The following CDH26 variants were observed in gnomAD, a reference collection of about 807,000 sequenced individuals.
The protein encoded by CDH26 is cadherin-like protein 26.
In CDH26, 83 loss-of-function variants were observed where a neutral mutation model predicts 90.3. The observed-to-expected ratio is 0.92, with a 90% CI of 0.77 to 1.10. The LOEUF is 1.10. Ranked by LOEUF, CDH26 falls within the 50% of genes least tolerant of loss-of-function variation. The pLI is 0.00. For missense variants in CDH26, 1,013 were observed against 1,037.6 expected, an observed-to-expected ratio of 0.98 and a Z score of 0.33; for synonymous variants, 397 against 396.3, an observed-to-expected ratio of 1.00 and a Z score of -0.02.
At chr20:59,973,541 C>A (rs1241859753) in intron 4 of CDH26, among the ~76,000 whole-genome samples, 4 of 152,092 alleles carry the variant, frequency 2.6e-5, no homozygotes, top group Non-Finnish European at 4.4e-5. Context: ...GATCCTCTCC[C>A]TCCTCCCACC....
intron 7 of CDH26, 79 bp from the exon 8 acceptor site, chr20:59,987,374 T>C: frequency 8.6e-7 from 1 of 1,162,506 alleles, no homozygotes; most frequent in Non-Finnish European, 1.2e-6. Context: ...TCTCTGCTTC[T>C]CTCCCTCCTT....
intron 5 of CDH26, 127 bp from the exon 6 acceptor site, chr20:59,984,512 T>C (rs1454127293): frequency 1.5e-6 from 1 of 661,888 alleles, no homozygotes; most frequent in African/African-American, 1.8e-5. Context: ...CCATAGTTTA[T>C]TTTATATTTA....
At chr20:60,006,596 C>A (rs1353513423) in intron 16 of CDH26, 117 bp from the exon 17 acceptor site, 1 of 721,730 alleles carries the variant, frequency 1.4e-6, no homozygotes. Flanking sequence ...TGGCTCTTCA[C>A]CTCCAAGAGA....
chr20:60,034,329 G>C (rs2062067425), downstream of CDH26, among the ~76,000 whole-genome samples: 1 of 152,182 alleles, frequency 6.6e-6, no homozygotes, highest in South Asian at 2.1e-4. Flanking sequence ...AGGAACTGTG[G>C]GGCCAGAGCT....
intron 10 of CDH26, among the ~76,000 whole-genome samples, chr20:59,993,885 G>GC (rs1424305659): frequency 7.2e-5 from 11 of 152,246 alleles, no homozygotes; most frequent in Admixed American, 3.3e-4. Flanking sequence ...GAGACGCAGC[G>GC]CATTTGCCTC....
exon 9 of CDH26, chr20:60,033,681 A>AGAGTACG: frequency 3.8e-6 from 5 of 1,303,338 alleles, no homozygotes; most frequent in Non-Finnish European, 5.1e-6. Context: ...GGCTGAGCAG[A>AGAGTACG]GAGTACGGTG....
rs140380533 is a variant in CDH26, at chr20:60,003,937, C to T, written c.2220+1071C>T. 1.1e-4 allele frequency among the ~76,000 whole-genome samples: 17 copies of T among 152,274 alleles called. No individual in the cohort carries two copies. In the East Asian group the frequency reaches 3.1e-3, roughly 28 times the overall value. Reference sequence around the variant, plus strand: ...CCCCAAGTCTACCTCGGGAAGGAGCCAGGCTGGAAACTGACACGGCGTCTT... The same window carrying T: ...CCCCAAGTCTACCTCGGGAAGGAGCTAGGCTGGAAACTGACACGGCGTCTT... On this transcript the variant is annotated intron_variant, in intron 16 of 17. Transcript: ENST00000348616.
chr20:59,970,231 G>A (rs1344050970), intron 3 of CDH26, 45 bp downstream of exon 3: 2 of 1,602,390 alleles, frequency 1.2e-6, no homozygotes, highest in African/African-American at 2.7e-5. Flanking sequence ...TGCCCTCTAA[G>A]TAAGCACGCC....
chr20:59,968,295 A>C (rs913529562), intron 1 of CDH26, among the ~76,000 whole-genome samples: 1 of 151,782 alleles, frequency 6.6e-6, no homozygotes, highest in African/African-American at 2.4e-5. Context: ...ATGGGGTTTC[A>C]TCATATTGGT....
intron 17 of CDH26, among the ~76,000 whole-genome samples, chr20:60,007,868 TTGAC>T (rs2061774526): frequency 6.6e-6 from 1 of 152,322 alleles, no homozygotes; most frequent in Admixed American, 6.5e-5. Context: ...AAGATGTAGT[TTGAC>T]TGCGCTGAAG....
chr20:59,988,533 A>T (rs1038331991), intron 8 of CDH26, among the ~76,000 whole-genome samples: 1 of 152,206 alleles, frequency 6.6e-6, no homozygotes, highest in East Asian at 1.9e-4. Flanking sequence ...TCAACTGACC[A>T]CTTTGTACCC....
downstream of CDH26, among the ~76,000 whole-genome samples, chr20:60,018,155 T>G (rs570729412): frequency 1.8e-4 from 27 of 152,166 alleles, no homozygotes; most frequent in African/African-American, 6.0e-4. Flanking sequence ...GATGTTTCCT[T>G]GTTGATTTTA....
At position 59,992,775 on chromosome 20, in the gene CDH26, C is replaced by T. The variant is rs927372148; in HGVS notation, c.1426+255C>T. 2.0e-5 allele frequency among the ~76,000 whole-genome samples: 3 copies of T among 152,168 alleles called. No individual in the cohort carries two copies. The highest frequency in any genetic ancestry group is 2.0e-4 in the Admixed American group (3 of 15,270). On this transcript the variant is annotated intron_variant, in intron 10 of 17. Transcript: ENST00000348616. The surrounding 1 kb of genome is among the most constrained non-coding windows in gnomAD (Gnocchi z 5.0). ...GCAAGGAGGCTGCAATCAAACCCAGCATCTTTTTCATCTGTTCATGAGCTA... is the reference window on the plus strand; with the variant it reads ...GCAAGGAGGCTGCAATCAAACCCAGTATCTTTTTCATCTGTTCATGAGCTA...
At chr20:60,028,999 T>A (rs1433482831) in intron 7 of CDH26, among the ~76,000 whole-genome samples, 6 of 152,142 alleles carry the variant, frequency 3.9e-5, no homozygotes, top group Non-Finnish European at 8.8e-5. Context: ...CTATTCAGCC[T>A]TCCAAAAAGA....
chr20:59,982,393 G>T (rs1232437037), intron 4 of CDH26, among the ~76,000 whole-genome samples: 2 of 152,212 alleles, frequency 1.3e-5, no homozygotes, highest in Non-Finnish European at 2.9e-5. Context: ...TGAAGTGAAA[G>T]ATTTCACACA....
rs562511926 is a variant in CDH26, at chr20:60,012,867, G to A, written c.*137G>A. On this transcript the variant is annotated 3_prime_UTR_variant, in exon 18 of 18. Coordinates refer to ENST00000348616, the MANE Select transcript of CDH26 (RefSeq NM_177980.4). ...GTCCTAGGATGAGGACACACTATTA[G>A]TTTGAATTAAATGCTTTGATATTCT... 8.1e-5 allele frequency: 59 copies of A among 724,560 alleles called. No homozygotes were observed. The East Asian group carries it at 1.6e-3, about 20-fold the overall frequency. The allele number at this position is 724,560 out of a possible 1,614,324, so 44.9% of individuals were successfully genotyped here. A position where few individuals can be genotyped will look rare whatever the true frequency, so the allele number is the denominator to read the frequency against.
At chr20:59,999,362 CA>C (rs1334178296) in intron 13 of CDH26, among the ~76,000 whole-genome samples, 7 of 152,198 alleles carry the variant, frequency 4.6e-5, no homozygotes, top group African/African-American at 1.7e-4. Context: ...ATGAGAAGCT[CA>C]ACCTCCCAGC....
intron 7 of CDH26, among the ~76,000 whole-genome samples, chr20:59,987,232 T>C (rs768562881): frequency 6.6e-6 from 1 of 152,170 alleles, no homozygotes; most frequent in Non-Finnish European, 1.5e-5. Context: ...AGGGGGCAGA[T>C]ATTCCAACGG....
intron 7 of CDH26, among the ~76,000 whole-genome samples, chr20:60,023,967 G>A (rs1468418288): frequency 8.2e-6 from 1 of 121,350 alleles, no homozygotes; most frequent in Non-Finnish European, 1.9e-5. Context: ...GAGGGAGAGA[G>A]AGAGAGAGAG....
Sources: gnomAD v4.1 joint callset for allele counts (sites outside exome capture counted in the v4.1 genomes callset) on GRCh38, gnomAD v4.1.1 for gene constraint, Gnocchi (gnomAD v3.1) non-coding constraint, MANE v1.5 for transcripts, NCBI Gene and HGNC (gene_info 2026-07-23, HGNC 2026-07-21) for gene names.